ERC2: variants seen among roughly 807,000 people sequenced by gnomAD.
The protein encoded by ERC2 is ERC protein 2.
A neutral mutation model predicts 114.8 loss-of-function variants in ERC2; 42 were observed. The observed-to-expected ratio is 0.37, with a 90% CI of 0.29 to 0.47. The LOEUF is 0.47. Among genes scored for constraint, ERC2 ranks in the 20% least tolerant of loss-of-function variants. The probability of loss-of-function intolerance (pLI) is 0.99; values close to 1 mark genes in which losing one functional copy is unlikely to be tolerated. For synonymous variants in ERC2, 454 were observed against 425.5 expected, an observed-to-expected ratio of 1.07 and a Z score of -0.82; for missense variants, 939 against 1,150.7, an observed-to-expected ratio of 0.82 and a Z score of 2.66.
intron 13 of ERC2, among the ~76,000 whole-genome samples, chr3:55,894,993 C>T (rs1559831135): frequency 6.6e-6 from 1 of 152,160 alleles, no homozygotes; most frequent in Non-Finnish European, 1.5e-5. Flanking sequence ...CCCTGGACTG[C>T]CCTACATTCA....
At chr3:56,010,704 C>T (rs2072851605) in intron 8 of ERC2, 115 bp from the exon 9 acceptor site, 3 of 1,212,342 alleles carry the variant, frequency 2.5e-6, no homozygotes, top group Non-Finnish European at 3.4e-6. Context: ...CAGGAATCAA[C>T]ACACACAAGA....
chr3:55,969,029 C>G (rs940914694), intron 12 of ERC2, among the ~76,000 whole-genome samples: 1 of 151,976 alleles, frequency 6.6e-6, no homozygotes, highest in Non-Finnish European at 1.5e-5. Context: ...TTTCCCCAGT[C>G]AGTATAAATG....
chr3:55,599,918 C>T (rs1296951790), intron 17 of ERC2, among the ~76,000 whole-genome samples: 5 of 152,146 alleles, frequency 3.3e-5, no homozygotes, highest in Admixed American at 6.5e-5. Context: ...AATCATATCG[C>T]TCTCTGGGCC....
At chr3:55,964,471 A>G (rs1226383343) in intron 12 of ERC2, among the ~76,000 whole-genome samples, 4 of 142,884 alleles carry the variant, frequency 2.8e-5, no homozygotes, top group Admixed American at 7.0e-5. Flanking sequence ...TTTTTTTTCT[A>G]TGAGGTAGGC....
chr3:55,949,245 CTGTAG>C (rs1161648206), intron 13 of ERC2, among the ~76,000 whole-genome samples: 4 of 152,280 alleles, frequency 2.6e-5, no homozygotes, highest in African/African-American at 9.6e-5. Context: ...TGGCGGGAGC[CTGTAG>C]TCCCAGCTAC....
chr3:55,859,779 T>C (rs988761334), intron 14 of ERC2, among the ~76,000 whole-genome samples: 30 of 150,244 alleles, frequency 2.0e-4, no homozygotes, highest in African/African-American at 7.3e-4. Flanking sequence ...GGTCTCTGCT[T>C]GTGGCCTTGC....
intron 17 of ERC2, among the ~76,000 whole-genome samples, chr3:55,589,399 C>T (rs573153139): frequency 4.6e-5 from 7 of 152,210 alleles, no homozygotes; most frequent in South Asian, 2.1e-4. Flanking sequence ...CTTCAAGACA[C>T]GTGACGGTCA....
chr3:56,040,861 T>A (rs1214831471), intron 7 of ERC2, among the ~76,000 whole-genome samples: 1 of 150,704 alleles, frequency 6.6e-6, no homozygotes, highest in East Asian at 2.0e-4. Flanking sequence ...TTTCTAAGGG[T>A]ATTATTTTCT....
intron 15 of ERC2, among the ~76,000 whole-genome samples, chr3:55,728,068 A>T (rs2065030283): frequency 1.3e-5 from 2 of 152,136 alleles, no homozygotes; most frequent in African/African-American, 4.8e-5. Context: ...ATCATGATTG[A>T]TCAATGATGT....
At chr3:55,682,738 A>AT (rs1192205879) in intron 17 of ERC2, among the ~76,000 whole-genome samples, 2 of 152,238 alleles carry the variant, frequency 1.3e-5, no homozygotes, top group Non-Finnish European at 2.9e-5. Flanking sequence ...ATAAAGAGCT[A>AT]TAGATTGAAT....
At chr3:55,971,269 A>T (rs896042390) in intron 12 of ERC2, among the ~76,000 whole-genome samples, 3 of 152,164 alleles carry the variant, frequency 2.0e-5, no homozygotes, top group African/African-American at 7.2e-5. Context: ...GAGGGTGGTG[A>T]TGGTTGCACA....
intron 15 of ERC2, among the ~76,000 whole-genome samples, chr3:55,710,360 C>T (rs186583259): frequency 2.0e-5 from 3 of 152,226 alleles, no homozygotes; most frequent in Admixed American, 6.5e-5. Context: ...ACTTACCCCC[C>T]CAAAGAAGAG....
At chr3:55,869,671 G>A (rs1207364694) in intron 14 of ERC2, among the ~76,000 whole-genome samples, 1 of 152,010 alleles carries the variant, frequency 6.6e-6, no homozygotes, top group Non-Finnish European at 1.5e-5. Context: ...CCTTCCCAGA[G>A]CACTTACCAC....
At chr3:55,786,274 A>G (rs543999456) in intron 14 of ERC2, among the ~76,000 whole-genome samples, 1 of 152,370 alleles carries the variant, frequency 6.6e-6, no homozygotes, top group East Asian at 1.9e-4. Context: ...TATATATTTT[A>G]GAAAATATTA....
intron 4 of ERC2, among the ~76,000 whole-genome samples, chr3:56,167,484 A>C (rs2082381208): frequency 6.6e-6 from 1 of 152,150 alleles, no homozygotes; most frequent in African/African-American, 2.4e-5. Context: ...TCTAAAAAAA[A>C]ATCTTACTTG....
At chr3:55,602,292 G>A (rs1054693540) in intron 17 of ERC2, among the ~76,000 whole-genome samples, 5 of 152,108 alleles carry the variant, frequency 3.3e-5, no homozygotes, top group African/African-American at 9.7e-5. Flanking sequence ...GCAGTTCTCT[G>A]GGAAGATTCC....
At chr3:55,674,608 T>C (rs1462710152) in intron 17 of ERC2, among the ~76,000 whole-genome samples, 3 of 152,238 alleles carry the variant, frequency 2.0e-5, no homozygotes, top group African/African-American at 4.8e-5. Flanking sequence ...GTTTGCCCTC[T>C]GATGGACAAA....
chr3:55,533,536 C>T (rs1005984928), intron 17 of ERC2, among the ~76,000 whole-genome samples: 7 of 152,160 alleles, frequency 4.6e-5, no homozygotes, highest in Non-Finnish European at 1.0e-4. Flanking sequence ...CGAGTCCACT[C>T]CCTCAGGCAA....
intron 2 of ERC2, among the ~76,000 whole-genome samples, chr3:56,391,892 C>A (rs757883841): frequency 6.6e-6 from 1 of 152,144 alleles, no homozygotes; most frequent in Non-Finnish European, 1.5e-5. Flanking sequence ...GTCCCCGAGG[C>A]ATCATAATAT....
Sources: allele counts gnomAD v4.1 joint callset (sites outside exome capture counted in the v4.1 genomes callset), GRCh38; gene constraint gnomAD v4.1.1; transcripts MANE v1.5; gene names NCBI Gene and HGNC (gene_info 2026-07-23, HGNC 2026-07-21).